Variants in TALDO1 observed in about 807,000 individuals in gnomAD.
TALDO1 encodes transaldolase 1, also known as transaldolase.
In TALDO1, 29 loss-of-function variants were observed where a neutral mutation model predicts 38.1. The ratio of observed to expected loss-of-function variants is 0.76; its 90% CI spans 0.57 to 1.04. TALDO1 has a LOEUF of 1.04. Among genes scored for constraint, TALDO1 ranks in the 50% least tolerant of loss-of-function variants. The probability of loss-of-function intolerance (pLI) is 0.00; values close to 1 mark genes in which losing one functional copy is unlikely to be tolerated. For synonymous variants in TALDO1, 207 were observed against 176.8 expected (o/e 1.17, Z -1.36); for missense variants, 499 against 438.1 (o/e 1.14, Z -1.24).
intron 2 of TALDO1, among the ~76,000 whole-genome samples, chr11:758,333 G>A (rs1178203189): frequency 6.6e-6 from 1 of 152,034 alleles, no homozygotes; most frequent in Non-Finnish European, 1.5e-5. Flanking sequence ...TGTAGTCCCA[G>A]CTACTTGGGA....
intron 2 of TALDO1, 136 bp from the exon 3 acceptor site, chr11:758,814 C>A: frequency 4.9e-6 from 3 of 614,722 alleles, no homozygotes; most frequent in Non-Finnish European, 9.2e-6. Context: ...ACCGTGTTAG[C>A]CAGGATGGTC....
intron 4 of TALDO1, among the ~76,000 whole-genome samples, chr11:761,272 G>A (rs1042394031): frequency 2.7e-5 from 4 of 149,438 alleles, no homozygotes; most frequent in African/African-American, 5.0e-5. Flanking sequence ...GGAGGTGGAC[G>A]TTGCAGTGAG....
At chr11:764,703 C>G (rs767363112) in intron 7 of TALDO1, 110 bp from the exon 8 acceptor site, 23 of 1,559,464 alleles carry the variant, frequency 1.5e-5, no homozygotes, top group Non-Finnish European at 2.0e-5. Context: ...GGCCCCCACA[C>G]AGAGTGCAGA....
intron 1 of TALDO1, 81 bp downstream of exon 1, chr11:747,659 C>G: frequency 7.8e-7 from 1 of 1,282,106 alleles, no homozygotes; most frequent in Non-Finnish European, 1.1e-6. Flanking sequence ...GTCTCCCGTT[C>G]CGGGACGCGG....
At position 763,901 on chromosome 11, in the gene TALDO1, G is replaced by A; in HGVS notation, c.792G>A (p.Leu264=). 2 of 1,612,656 alleles carry A rather than the reference G, an allele frequency of 1.2e-6. No individual in the cohort carries two copies. Among genetic ancestry groups the A allele is most frequent in the Middle Eastern group, 1.7e-4 (1 of 5,940 alleles). Residue 264 remains leucine (L), a synonymous_variant, in exon 6 of 8, where the codon CTG becomes CTA. Transcript: ENST00000319006. ...TISPKLLGEL[L]QDNAKLVPVL... Reference sequence around the variant, plus strand: ...CACCCAAGCTCCTGGGAGAGCTGCTGCAGGACAACGCCAAGCTGGTGCCTG... The same window carrying A: ...CACCCAAGCTCCTGGGAGAGCTGCTACAGGACAACGCCAAGCTGGTGCCTG...
chr11:759,807 C>G (rs1442533442), intron 3 of TALDO1, among the ~76,000 whole-genome samples: 1 of 152,200 alleles, frequency 6.6e-6, no homozygotes, highest in African/African-American at 2.4e-5. Context: ...GTCTCGATCC[C>G]TTGACCTTGT....
intron 7 of TALDO1, among the ~76,000 whole-genome samples, 166 bp downstream of exon 7, chr11:764,599 G>A (rs1330927847): frequency 6.8e-6 from 1 of 146,958 alleles, no homozygotes; most frequent in East Asian, 1.9e-4. Flanking sequence ...GGTGGAGGGT[G>A]CATGGCACCC....
intron 1 of TALDO1, among the ~76,000 whole-genome samples, chr11:748,576 C>A (rs1862698577): frequency 6.6e-6 from 1 of 152,188 alleles, no homozygotes; most frequent in Non-Finnish European, 1.5e-5. Context: ...GAAGTGACTT[C>A]CTCTCTTTTC....
intron 1 of TALDO1, among the ~76,000 whole-genome samples, chr11:751,387 G>A (rs964213787): frequency 6.6e-6 from 1 of 152,094 alleles, no homozygotes; most frequent in Non-Finnish European, 1.5e-5. Context: ...AGAAAGTTGG[G>A]GCCAGCCTCG....
In TALDO1 at chr11:760,357, GC is replaced by G. The variant is rs1001846391; in HGVS notation, c.461+106del. ...TTTGACTCTCTCAGCCCTGGGGAAT[GC>G]CAGACTGGGGAGCACAGCCCACAGC... On this transcript the variant is annotated intron_variant, in intron 4 of 7. Transcript: ENST00000319006. 124 of 1,552,532 alleles carry G rather than the reference GC, an allele frequency of 8.0e-5. 2 individuals carry two copies. The African/African-American group carries it at 1.6e-3, about 20-fold the overall frequency.
intron 1 of TALDO1, 87 bp from the exon 2 acceptor site, chr11:755,792 T>C: frequency 6.2e-7 from 1 of 1,601,514 alleles, no homozygotes; most frequent in Non-Finnish European, 8.5e-7. Context: ...TCCCCTAACG[T>C]CCTGGGGAAT....
At position 763,907 on chromosome 11, in the gene TALDO1, C is replaced by T; in HGVS notation, c.798C>T (p.Asp266=). 6.2e-7 allele frequency: 1 copy of T among 1,612,324 alleles called. No individual in the cohort carries two copies. The highest frequency in any genetic ancestry group is 8.5e-7 in the Non-Finnish European group (1 of 1,179,938). Residue 266 remains aspartate (D), a synonymous_variant, in exon 6 of 8, where the codon GAC becomes GAT. Transcript: ENST00000319006. ...AGCTCCTGGGAGAGCTGCTGCAGGACAACGCCAAGCTGGTGCCTGTGCTCT... is the reference window on the plus strand; with the variant it reads ...AGCTCCTGGGAGAGCTGCTGCAGGATAACGCCAAGCTGGTGCCTGTGCTCT... ...SPKLLGELLQ[D]NAKLVPVLSA... is the part of the protein sequence containing the mutation.
chr11:762,863 G>A (rs1175657886), intron 4 of TALDO1, among the ~76,000 whole-genome samples: 1 of 152,246 alleles, frequency 6.6e-6, no homozygotes, highest in Non-Finnish European at 1.5e-5. Flanking sequence ...GAATGGGTAG[G>A]GTGGAACAGG....
intron 4 of TALDO1, among the ~76,000 whole-genome samples, chr11:761,622 G>A (rs914649517): frequency 9.9e-5 from 15 of 152,272 alleles, no homozygotes; most frequent in African/African-American, 2.6e-4. Context: ...CAAATAATTC[G>A]CATCAGGAAG....
rs748499989 is a variant in TALDO1, at chr11:758,903, C to T, written c.222-47C>T. On this transcript the variant is annotated intron_variant, in intron 2 of 7. Transcript: ENST00000319006. ...TACAGGCGTGAGCCACCGCACCTGGCGAACCTCAGAAGCTTCTAACCTGCT... is the reference window on the plus strand; with the variant it reads ...TACAGGCGTGAGCCACCGCACCTGGTGAACCTCAGAAGCTTCTAACCTGCT... The T allele has an allele frequency of 2.8e-5, 44 of 1,544,866 alleles. No homozygotes were observed. In the South Asian group the frequency reaches 2.9e-4, roughly 10 times the overall value.
Position 763,942 on chromosome 11 carries a change from C to T in TALDO1, c.833C>T (p.Ala278Val), listed in dbSNP as rs766902187. Reference sequence around the variant, plus strand: ...CTGGTGCCTGTGCTCTCAGCCAAGGCGGGTGAGGCCCCACTGCCCAGCTGT... The same window carrying T: ...CTGGTGCCTGTGCTCTCAGCCAAGGTGGGTGAGGCCCCACTGCCCAGCTGT... Reference protein sequence around the residue: ...AKLVPVLSAKAAQASDLEKIH... With the variant: ...AKLVPVLSAKVAQASDLEKIH... The change falls in exon 6 of 8, where the codon GCG (alanine) becomes GTG (valine). Residue 278 changes from alanine to valine, a missense_variant and splice_region_variant. Ala to Val is a moderately conservative substitution (Grantham distance 64, BLOSUM62 0). Coordinates refer to ENST00000319006, the MANE Select transcript of TALDO1 (RefSeq NM_006755.2). The T allele has an allele frequency of 1.0e-5, 16 of 1,607,554 alleles. No individual in the cohort carries two copies. Among genetic ancestry groups the T allele is most frequent in the Non-Finnish European group, 1.4e-5 (16 of 1,179,636 alleles).
intron 2 of TALDO1, 56 bp from the exon 3 acceptor site, chr11:758,894 C>T (rs528700868): frequency 1.4e-5 from 21 of 1,479,710 alleles, no homozygotes; most frequent in South Asian, 1.2e-4. Flanking sequence ...CGTGAGCCAC[C>T]GCACCTGGCG....
Position 747,596 on chromosome 11 carries a change from C to T in TALDO1, c.97+18C>T, listed in dbSNP as rs1030365694. ...CTTCCACGGTGAGGACGGCGCGGAGCCCGGGCGCGGCGCAAGCGCCCTCCA... is the reference window on the plus strand; with the variant it reads ...CTTCCACGGTGAGGACGGCGCGGAGTCCGGGCGCGGCGCAAGCGCCCTCCA... On this transcript the variant is annotated intron_variant, in intron 1 of 7. Coordinates refer to ENST00000319006, the MANE Select transcript of TALDO1 (RefSeq NM_006755.2). The T allele has an allele frequency of 6.4e-7, 1 of 1,552,122 alleles. No individual in the cohort carries two copies. The highest frequency in any genetic ancestry group is 8.7e-7 in the Non-Finnish European group (1 of 1,151,398).
chr11:749,124 G>A (rs1337294897), intron 1 of TALDO1, among the ~76,000 whole-genome samples: 1 of 152,134 alleles, frequency 6.6e-6, no homozygotes, highest in African/African-American at 2.4e-5. Flanking sequence ...AAAACTTCTG[G>A]CCCAGCGAGG....
Sources: allele counts gnomAD v4.1 joint callset (sites outside exome capture counted in the v4.1 genomes callset), GRCh38; gene constraint gnomAD v4.1.1; transcripts MANE v1.5; gene names NCBI Gene and HGNC (gene_info 2026-07-23, HGNC 2026-07-21).